Variants in PID1 observed in about 807,000 individuals in gnomAD.
PID1 encodes PTB-containing, cubilin and LRP1-interacting protein.
PID1 carries 10 observed loss-of-function variants against 19.1 expected under a neutral mutation model. The observed-to-expected ratio is 0.52, with a 90% CI of 0.32 to 0.89. The LOEUF is 0.89. Ranked by LOEUF, PID1 falls within the 40% of genes least tolerant of loss-of-function variation. The probability of loss-of-function intolerance (pLI) is 0.03; values close to 1 mark genes in which losing one functional copy is unlikely to be tolerated. For synonymous variants in PID1, 130 were observed against 116.0 expected (o/e 1.12, Z -0.78); for missense variants, 248 against 285.3 (o/e 0.87, Z 0.94).
intron 1 of PID1, chr2:229,262,949 A>G (rs1690499209): frequency 1.0e-5 from 14 of 1,399,216 alleles, no homozygotes; most frequent in Non-Finnish European, 1.3e-5. Flanking sequence ...ATATGACCTC[A>G]TCTTAACTTG....
rs527480647 is a variant in PID1, at chr2:229,262,714, G to A, written c.30+8300C>T. 1.6e-4 allele frequency: 251 copies of A among 1,551,512 alleles called. 6 individuals are homozygous for A. The South Asian group carries it at 2.7e-3, about 17-fold the overall frequency. On this transcript the variant is annotated intron_variant, in intron 1 of 2. Transcript: ENST00000392055. ...GGAGGCTGGAAGTCCAAAATGTAAAGGTTGGCAGGGCCACACACCATCCAA... is the reference window on the plus strand; with the variant it reads ...GGAGGCTGGAAGTCCAAAATGTAAAAGTTGGCAGGGCCACACACCATCCAA...
intron 1 of PID1, among the ~76,000 whole-genome samples, chr2:229,179,538 A>G (rs1025276998): frequency 1.3e-5 from 2 of 152,162 alleles, no homozygotes; most frequent in Non-Finnish European, 2.9e-5. Context: ...ATGCCCTCAA[A>G]TTTTCATACC....
chr2:229,186,775 A>G (rs1229734379), intron 1 of PID1, among the ~76,000 whole-genome samples: 1 of 152,212 alleles, frequency 6.6e-6, no homozygotes, highest in Non-Finnish European at 1.5e-5. Context: ...TTACTTATGC[A>G]AATTTCTGCA....
At chr2:229,036,085 G>A (rs911124474) in intron 2 of PID1, among the ~76,000 whole-genome samples, 3 of 152,152 alleles carry the variant, frequency 2.0e-5, no homozygotes, top group African/African-American at 7.2e-5. Flanking sequence ...TGCTATGCTG[G>A]TTATTACCCT....
At chr2:229,218,798 G>T (rs1283371323) in intron 1 of PID1, among the ~76,000 whole-genome samples, 2 of 152,122 alleles carry the variant, frequency 1.3e-5, no homozygotes, top group Non-Finnish European at 2.9e-5. Flanking sequence ...ACAAACAGAA[G>T]ACAAGTAGCA....
chr2:229,193,646 T>C (rs775586479), intron 1 of PID1, among the ~76,000 whole-genome samples: 95 of 152,074 alleles, frequency 6.2e-4, no homozygotes, highest in Non-Finnish European at 1.0e-4. Flanking sequence ...TTTATTGTTA[T>C]TGTTACTATT....
chr2:229,029,123 A>C (rs1328648338), intron 2 of PID1, among the ~76,000 whole-genome samples: 2 of 152,038 alleles, frequency 1.3e-5, no homozygotes, highest in African/African-American at 2.4e-5. Flanking sequence ...ACCAAGCATC[A>C]TGCTCACTAC....
chr2:229,050,317 G>T (rs1243423189), intron 2 of PID1, among the ~76,000 whole-genome samples: 1 of 152,106 alleles, frequency 6.6e-6, no homozygotes, highest in Non-Finnish European at 1.5e-5. Flanking sequence ...CATGGAGATG[G>T]CTCTGGCTGT....
chr2:229,137,066 T>C (rs1689871573), intron 2 of PID1, among the ~76,000 whole-genome samples: 1 of 152,222 alleles, frequency 6.6e-6, no homozygotes, highest in South Asian at 2.1e-4. Flanking sequence ...ACTATTTTTA[T>C]TTTTTATACA....
chr2:229,255,961 G>C (rs888683377), intron 1 of PID1, among the ~76,000 whole-genome samples: 1 of 152,218 alleles, frequency 6.6e-6, no homozygotes, highest in African/African-American at 2.4e-5. Context: ...GCTGTACTTG[G>C]AGAGCAATGA....
At chr2:229,103,881 C>T (rs189514131) in intron 2 of PID1, among the ~76,000 whole-genome samples, 3 of 152,248 alleles carry the variant, frequency 2.0e-5, no homozygotes, top group Admixed American at 1.3e-4. Flanking sequence ...CCAGCCTATG[C>T]TGGATTTCAC....
chr2:229,233,540 G>A (rs918333017), intron 1 of PID1, among the ~76,000 whole-genome samples: 1 of 150,076 alleles, frequency 6.7e-6, no homozygotes, highest in Non-Finnish European at 1.5e-5. Context: ...CACCCAGGCT[G>A]GAGTGCAGTG....
chr2:229,237,702 C>T (rs534957927), intron 1 of PID1, among the ~76,000 whole-genome samples: 1 of 152,216 alleles, frequency 6.6e-6, no homozygotes, highest in Admixed American at 6.5e-5. Flanking sequence ...GTAAAAGTGA[C>T]ATTTCTTAAA....
chr2:229,097,793 T>C (rs1046241414), intron 2 of PID1, among the ~76,000 whole-genome samples: 3 of 152,124 alleles, frequency 2.0e-5, no homozygotes, highest in East Asian at 1.9e-4. Context: ...AAAATGATAA[T>C]GAATAGGACT....
chr2:229,175,895 G>A (rs1368440533), intron 1 of PID1, among the ~76,000 whole-genome samples: 1 of 152,160 alleles, frequency 6.6e-6, no homozygotes, highest in Admixed American at 6.5e-5. Context: ...GCAGTTACTA[G>A]AAAAGGTTTT....
intron 1 of PID1, among the ~76,000 whole-genome samples, chr2:229,180,154 C>T (rs1053048391): frequency 6.6e-6 from 1 of 152,082 alleles, no homozygotes; most frequent in East Asian, 1.9e-4. Context: ...TTCAAGTGAC[C>T]TAATTTTTTC....
intron 2 of PID1, among the ~76,000 whole-genome samples, chr2:229,116,002 C>T (rs186041677): frequency 3.9e-5 from 6 of 152,052 alleles, no homozygotes; most frequent in Admixed American, 6.6e-5. Context: ...GGGCAGATCA[C>T]GAGTTCAGGA....
At chr2:229,041,661 A>T (rs535286188) in intron 2 of PID1, among the ~76,000 whole-genome samples, 49 of 152,198 alleles carry the variant, frequency 3.2e-4, no homozygotes, top group Non-Finnish European at 5.3e-4. Flanking sequence ...ATTATTTACA[A>T]ATGGAGAGCA....
At chr2:229,196,410 G>A (rs924212878) in intron 1 of PID1, among the ~76,000 whole-genome samples, 2 of 151,944 alleles carry the variant, frequency 1.3e-5, no homozygotes, top group Admixed American at 6.6e-5. Flanking sequence ...AAGAATCTAT[G>A]GCTTTAATGA....
Sources: gnomAD v4.1 joint callset for allele counts (sites outside exome capture counted in the v4.1 genomes callset) on GRCh38, gnomAD v4.1.1 for gene constraint, MANE v1.5 for transcripts, NCBI Gene and HGNC (gene_info 2026-07-23, HGNC 2026-07-21) for gene names.